The following CDH13 variants were observed in gnomAD, a reference collection of about 807,000 sequenced individuals.
CDH13 encodes cadherin 13, also known as cadherin-13.
CDH13 carries 24 observed loss-of-function variants against 63.8 expected under a neutral mutation model. The ratio of observed to expected loss-of-function variants is 0.38; its 90% CI spans 0.27 to 0.53. The LOEUF (loss-of-function observed/expected upper bound fraction) is 0.53. Among genes scored for constraint, CDH13 ranks in the 20% least tolerant of loss-of-function variants. The probability of loss-of-function intolerance (pLI) is 0.85; values close to 1 mark genes in which losing one functional copy is unlikely to be tolerated. For missense variants in CDH13, 1,049 were observed against 903.1 expected (o/e 1.16, Z -2.07); for synonymous variants, 503 against 355.3 (o/e 1.42, Z -4.67).
chr16:83,140,624 T>A (rs2036489657), intron 4 of CDH13, among the ~76,000 whole-genome samples: 1 of 152,128 alleles, frequency 6.6e-6, no homozygotes, highest in Non-Finnish European at 1.5e-5. Context: ...CTGGCTAATT[T>A]TTGTACTTTT....
chr16:83,015,365 A>G (rs1463012598), intron 2 of CDH13, among the ~76,000 whole-genome samples: 1 of 151,632 alleles, frequency 6.6e-6, no homozygotes, highest in African/African-American at 2.4e-5. Context: ...GAATGACCAA[A>G]TCTCCACCCT....
chr16:83,170,868 TAGAG>T (rs1284679976), intron 4 of CDH13, among the ~76,000 whole-genome samples: 2 of 152,008 alleles, frequency 1.3e-5, no homozygotes, highest in South Asian at 2.1e-4. Flanking sequence ...TTTCCAAAAA[TAGAG>T]AGAAGAGATC....
chr16:83,347,570 G>A lies in CDH13; in HGVS notation c.781+2564G>A, dbSNP rs547985787. On this transcript the variant is annotated intron_variant, in intron 6 of 13. Transcript: ENST00000567109. The stretch of plus-strand genomic sequence containing the variant: ...TTACTGTGTGCCAGCAGCCATATAT[G>A]TACAACATCATTTCATCCATGATCC... Among the ~76,000 whole-genome samples the A allele has an allele frequency of 5.3e-5, 8 of 152,248 alleles. No homozygotes were observed. In the East Asian group the frequency reaches 5.8e-4, roughly 11 times the overall value.
intron 4 of CDH13, among the ~76,000 whole-genome samples, chr16:83,133,170 G>T (rs997547593): frequency 6.6e-6 from 1 of 152,188 alleles, no homozygotes; most frequent in Admixed American, 6.5e-5. Context: ...GGACAACTTG[G>T]CAGTTGAATG....
At chr16:83,515,137 C>T (rs1377905519) in intron 7 of CDH13, among the ~76,000 whole-genome samples, 1 of 152,064 alleles carries the variant, frequency 6.6e-6, no homozygotes, top group East Asian at 1.9e-4. Context: ...GACGTCATTC[C>T]ATGTTTCTGA....
intron 5 of CDH13, among the ~76,000 whole-genome samples, chr16:83,265,815 C>G (rs1208970623): frequency 7.5e-6 from 1 of 133,940 alleles, no homozygotes; most frequent in African/African-American, 2.8e-5. Context: ...CCGTTGTCCT[C>G]TGAGTGAAGC....
At chr16:83,011,906 C>G (rs146289954) in intron 2 of CDH13, among the ~76,000 whole-genome samples, 1 of 152,194 alleles carries the variant, frequency 6.6e-6, no homozygotes, top group Admixed American at 6.5e-5. Flanking sequence ...TTCATTACAG[C>G]TATTATTAAT....
intron 8 of CDH13, among the ~76,000 whole-genome samples, chr16:83,616,943 C>T (rs117789629): frequency 4.6e-5 from 7 of 152,184 alleles, no homozygotes; most frequent in East Asian, 1.9e-4. Flanking sequence ...CCCTTCTTCC[C>T]GGAATGCCTT....
chr16:83,629,193 CA>C (rs1351255597), intron 8 of CDH13, among the ~76,000 whole-genome samples: 4 of 152,294 alleles, frequency 2.6e-5, no homozygotes, highest in East Asian at 3.9e-4. Flanking sequence ...GCCAGTTAAG[CA>C]TATGTTTCAT....
chr16:82,956,857 A>C (rs1240090642), intron 2 of CDH13, among the ~76,000 whole-genome samples: 1 of 152,222 alleles, frequency 6.6e-6, no homozygotes, highest in East Asian at 1.9e-4. Flanking sequence ...CAAAGATTCA[A>C]ATGTCAGTGG....
chr16:83,362,778 T>G (rs1041422878), intron 6 of CDH13, among the ~76,000 whole-genome samples: 1 of 152,224 alleles, frequency 6.6e-6, no homozygotes, highest in Non-Finnish European at 1.5e-5. Flanking sequence ...GGCACTTTTA[T>G]ACTTATTCGG....
intron 7 of CDH13, among the ~76,000 whole-genome samples, chr16:83,599,461 C>G (rs1907576868): frequency 6.6e-6 from 1 of 152,206 alleles, no homozygotes; most frequent in African/African-American, 2.4e-5. Context: ...CATTCATACT[C>G]TTTATCCTAG....
rs528862561 is a variant in CDH13 at position 83,621,340 on chromosome 16, T to C, written c.1101+18746T>C. Among the ~76,000 whole-genome samples the C allele has an allele frequency of 3.9e-5, 6 of 152,250 alleles. No individual in the cohort carries two copies. The East Asian group carries it at 1.2e-3, about 29-fold the overall frequency. Reference sequence around the variant, plus strand: ...CCAGGGCTATTCCTCGGGGAATACCTATCCTGTTTTTCTTGTTACACTTGT... The same window carrying C: ...CCAGGGCTATTCCTCGGGGAATACCCATCCTGTTTTTCTTGTTACACTTGT... On this transcript the variant is annotated intron_variant, in intron 8 of 13. Coordinates refer to ENST00000567109, the MANE Select transcript of CDH13 (RefSeq NM_001257.5).
At chr16:82,739,907 T>A (rs929933086) in intron 1 of CDH13, among the ~76,000 whole-genome samples, 23 of 152,228 alleles carry the variant, frequency 1.5e-4, no homozygotes, top group African/African-American at 4.8e-4. Flanking sequence ...ACTCTTGGTG[T>A]TGGCTACCTA....
intron 5 of CDH13, among the ~76,000 whole-genome samples, chr16:83,325,015 C>A (rs962400769): frequency 3.9e-5 from 6 of 152,152 alleles, no homozygotes; most frequent in Non-Finnish European, 7.3e-5. Flanking sequence ...AAGGTATGGG[C>A]ATTTGCTAAG....
intron 1 of CDH13, among the ~76,000 whole-genome samples, chr16:82,670,846 G>A (rs1205695812): frequency 6.6e-6 from 1 of 152,178 alleles, no homozygotes; most frequent in Non-Finnish European, 1.5e-5. Flanking sequence ...AGTAACAGCT[G>A]TTTAGTACCT....
At chr16:83,093,695 G>C (rs573871606) in intron 3 of CDH13, among the ~76,000 whole-genome samples, 9 of 152,122 alleles carry the variant, frequency 5.9e-5, no homozygotes, top group Non-Finnish European at 1.2e-4. Flanking sequence ...TCTCTTCCAT[G>C]CACATCTTCA....
intron 7 of CDH13, among the ~76,000 whole-genome samples, chr16:83,515,166 C>G (rs542293278): frequency 6.6e-6 from 1 of 152,154 alleles, no homozygotes; most frequent in Non-Finnish European, 1.5e-5. Flanking sequence ...TTCTCCCCTG[C>G]AGATGTAAGA....
intron 2 of CDH13, among the ~76,000 whole-genome samples, chr16:83,003,844 C>A (rs778276879): frequency 3.7e-4 from 56 of 152,322 alleles, no homozygotes; most frequent in African/African-American, 4.6e-4. Context: ...CTAAATAATT[C>A]TGTATAAATA....
Sources: gnomAD v4.1 joint callset for allele counts (sites outside exome capture counted in the v4.1 genomes callset) on GRCh38, gnomAD v4.1.1 for gene constraint, MANE v1.5 for transcripts, NCBI Gene and HGNC (gene_info 2026-07-23, HGNC 2026-07-21) for gene names.